Variants in CHIA observed in about 807,000 individuals in gnomAD.
The protein encoded by CHIA is chitinase acidic.
In CHIA, 47 loss-of-function variants were observed where a neutral mutation model predicts 53.5. The observed-to-expected ratio is 0.88, with a 90% CI of 0.70 to 1.12. The LOEUF (loss-of-function observed/expected upper bound fraction) is 1.12, where lower values mean the gene tolerates loss of function less well. Ranked by LOEUF, CHIA falls within the 50% of genes most tolerant of loss-of-function variation. The pLI is 0.00. For synonymous variants in CHIA, 268 were observed against 222.2 expected, an observed-to-expected ratio of 1.21 and a Z score of -1.83; for missense variants, 652 against 592.2, an observed-to-expected ratio of 1.10 and a Z score of -1.05.
intron 9 of CHIA, 81 bp downstream of exon 9, chr1:111,318,759 T>C: frequency 2.8e-6 from 4 of 1,442,602 alleles, no homozygotes; most frequent in East Asian, 4.6e-5. Context: ...ATCTTGAATG[T>C]TCATTCTGTC....
At chr1:111,297,771 C>A (rs1349312864) in intron 1 of CHIA, among the ~76,000 whole-genome samples, 3 of 151,994 alleles carry the variant, frequency 2.0e-5, no homozygotes, top group Non-Finnish European at 4.4e-5. Context: ...TTAAAAGACA[C>A]AGACTGGCAA....
chr1:111,292,575 T>C (rs1388328271), intron 1 of CHIA, among the ~76,000 whole-genome samples: 3 of 152,218 alleles, frequency 2.0e-5, no homozygotes, highest in African/African-American at 7.2e-5. Context: ...AATGTTTTTC[T>C]TGTGGTAAAA....
intron 1 of CHIA, among the ~76,000 whole-genome samples, chr1:111,295,404 T>C (rs574599448): frequency 3.9e-5 from 6 of 152,368 alleles, no homozygotes; most frequent in South Asian, 4.1e-4. Context: ...TCTAATTTTC[T>C]ATCTTTTCAT....
Position 111,317,687 on chromosome 1 carries a change from C to A in CHIA, c.487C>A (p.Arg163Ser), listed in dbSNP as rs139158262. 1.2e-6 allele frequency: 2 copies of A among 1,614,070 alleles called. No homozygotes were observed. The highest frequency in any genetic ancestry group is 2.2e-5 in the South Asian group (2 of 91,080). The change falls in exon 7 of 12, where the codon CGT becomes AGT. Residue 163 changes from arginine (R) to serine (S), a missense_variant. Coordinates refer to ENST00000369740, the MANE Select transcript of CHIA (RefSeq NM_201653.4). ...HLFTVLVQEM[R>S]EAFEQEAKQI... is the part of the protein sequence containing the mutation. ...ATGCCTTATTATTCTGTAGGAAATG[C>A]GTGAAGCTTTTGAGCAGGAGGCCAA...
At chr1:111,296,589 A>C (rs779128854) in intron 1 of CHIA, among the ~76,000 whole-genome samples, 2 of 152,236 alleles carry the variant, frequency 1.3e-5, no homozygotes, top group East Asian at 3.8e-4. Flanking sequence ...CAAAGACCAA[A>C]GGTAGATAAA....
chr1:111,313,582 ATT>A (rs1184725454), intron 4 of CHIA, among the ~76,000 whole-genome samples: 1 of 152,012 alleles, frequency 6.6e-6, no homozygotes, highest in East Asian at 1.9e-4. Context: ...GTTTCCAACT[ATT>A]TTCTCCCATT....
At chr1:111,292,458 T>C (rs936504703) in intron 1 of CHIA, among the ~76,000 whole-genome samples, 13 of 152,242 alleles carry the variant, frequency 8.5e-5, no homozygotes, top group Admixed American at 2.6e-4. Context: ...TTGACTGGCA[T>C]TGGTTATTCT....
At chr1:111,303,930 G>C (rs1647972371) in intron 1 of CHIA, among the ~76,000 whole-genome samples, 2 of 152,120 alleles carry the variant, frequency 1.3e-5, no homozygotes, top group African/African-American at 4.8e-5. Context: ...AGGTCTATTG[G>C]TAACAAACTA....
chr1:111,317,905 A>G, intron 7 of CHIA, 81 bp from the exon 8 acceptor site: 1 of 1,609,774 alleles, frequency 6.2e-7, no homozygotes, highest in South Asian at 1.1e-5. Flanking sequence ...TGTTTAGGAG[A>G]CTTTAGAAGT....
chr1:111,316,449 T>C (rs1382422570), intron 6 of CHIA: 1 of 152,224 alleles, frequency 6.6e-6, no homozygotes, highest in Admixed American at 6.5e-5. Flanking sequence ...AAGAAGAGGA[T>C]GTATATAAGA....
intron 1 of CHIA, among the ~76,000 whole-genome samples, chr1:111,302,443 T>C (rs1476978012): frequency 6.6e-6 from 1 of 152,168 alleles, no homozygotes; most frequent in Non-Finnish European, 1.5e-5. Flanking sequence ...AGTTTTGCTA[T>C]GTTATGTTTT....
intron 1 of CHIA, among the ~76,000 whole-genome samples, chr1:111,305,451 T>C (rs949506599): frequency 9.9e-5 from 15 of 152,168 alleles, no homozygotes; most frequent in Middle Eastern, 3.2e-3. Context: ...TTGAAGGACA[T>C]AGTCCTTTTT....
intron 6 of CHIA, chr1:111,316,565 A>G (rs1649175421): frequency 6.6e-6 from 1 of 152,232 alleles, no homozygotes; most frequent in Admixed American, 6.5e-5. Context: ...TTTTAATGCT[A>G]TTAACTAAGA....
intron 1 of CHIA, among the ~76,000 whole-genome samples, chr1:111,297,956 G>C (rs1008521371): frequency 2.2e-5 from 3 of 138,534 alleles, no homozygotes; most frequent in Non-Finnish European, 3.1e-5. Context: ...AGTCTCTGAT[G>C]AAACAGACTT....
chr1:111,296,637 A>C (rs1489000857), intron 1 of CHIA, among the ~76,000 whole-genome samples: 1 of 152,236 alleles, frequency 6.6e-6, no homozygotes, highest in African/African-American at 2.4e-5. Context: ...AGAAAAGCTG[A>C]AAATTCTAAA....
chr1:111,294,308 T>C (rs68144419), intron 1 of CHIA, among the ~76,000 whole-genome samples: 6,215 of 152,294 alleles, frequency 0.041, 148 homozygotes, highest in South Asian at 0.057. Flanking sequence ...TATTTTATTC[T>C]TTTTGATGCT....
Position 111,317,788 on chromosome 1 carries a change from G to T in CHIA, c.588G>T (p.Glu196Asp), listed in dbSNP as rs754106971. Residue 196 changes from glutamate to aspartate, a missense_variant, in exon 7 of 12, where the codon GAG (glutamate) becomes GAT (aspartate). Coordinates refer to ENST00000369740, the MANE Select transcript of CHIA (RefSeq NM_201653.4). ...AGISNIQSGYEIPQLSQYLDY... is the reference protein window; with the variant it reads ...AGISNIQSGYDIPQLSQYLDY... The stretch of plus-strand genomic sequence containing the variant: ...TCTCCAATATCCAGTCTGGCTATGA[G>T]ATCCCCCAACTGTCACAGTGAGTGA... 2 of 1,613,454 alleles carry T rather than the reference G, an allele frequency of 1.2e-6. No homozygotes were observed. Among genetic ancestry groups the T allele is most frequent in the Non-Finnish European group, 1.7e-6 (2 of 1,180,022 alleles).
At chr1:111,291,035 GTTGT>G (rs1660982723) in intron 1 of CHIA, 85 bp downstream of exon 1, 1 of 323,252 alleles carries the variant, frequency 3.1e-6, no homozygotes, top group Admixed American at 4.3e-5. Flanking sequence ...ATTATATCAA[GTTGT>G]TTATTATATC....
chr1:111,319,047 A>G, intron 9 of CHIA, 73 bp from the exon 10 acceptor site: 1 of 1,546,346 alleles, frequency 6.5e-7, no homozygotes, highest in Non-Finnish European at 8.7e-7. Flanking sequence ...ACATGAAAGA[A>G]GAAAAATTTG....
Sources: gnomAD v4.1 joint callset for allele counts (sites outside exome capture counted in the v4.1 genomes callset) on GRCh38, gnomAD v4.1.1 for gene constraint, MANE v1.5 for transcripts, NCBI Gene and HGNC (gene_info 2026-07-23, HGNC 2026-07-21) for gene names.